TM7SF3: variants seen among roughly 807,000 people sequenced by gnomAD.
TM7SF3 encodes transmembrane 7 superfamily member 3.
In TM7SF3, 60 loss-of-function variants were observed where a neutral mutation model predicts 65.5. The observed-to-expected ratio is 0.92, with a 90% CI of 0.74 to 1.14. The LOEUF is 1.14. Among genes scored for constraint, TM7SF3 ranks in the 50% most tolerant of loss-of-function variants. TM7SF3 has a pLI of 0.00. For synonymous variants in TM7SF3, 264 were observed against 259.6 expected (o/e 1.02, Z -0.16); for missense variants, 623 against 684.8 (o/e 0.91, Z 1.01).
At chr12:26,976,747 A>C (rs1939584633) in intron 9 of TM7SF3, among the ~76,000 whole-genome samples, 1 of 152,218 alleles carries the variant, frequency 6.6e-6, no homozygotes, top group African/African-American at 2.4e-5. Context: ...TGACTTCATG[A>C]TTTCATACTG....
At chr12:26,996,602 T>G in intron 4 of TM7SF3, 140 bp downstream of exon 4, 96 of 782,962 alleles carry the variant, frequency 1.2e-4, no homozygotes, top group Non-Finnish European at 1.8e-4. Flanking sequence ...AATAGTGAAG[T>G]TTAAATTACA....
rs1015641339 is a variant in TM7SF3, at chr12:26,973,965, C to G, written c.1713G>C (p.Ter571TyrextTer55). 8.1e-6 allele frequency: 13 copies of G among 1,613,678 alleles called. No homozygotes were observed. Among genetic ancestry groups the G allele is most frequent in the Non-Finnish European group, 1.0e-5 (12 of 1,179,924 alleles). The change falls in exon 12 of 12, where the codon TAG becomes TAC. Residue 571 changes from the stop codon to tyrosine, a stop_lost. Transcript: ENST00000343028. Reference protein sequence around the residue: ...PAGERTPLLL* With the variant: ...PAGERTPLLLY ...GCACACTGACCAAGCCCCTGGGCAT[C>G]TACAGAAGCAAAGGCGTTCTCTCTC...
At chr12:26,996,482 C>T (rs1256348241) in intron 4 of TM7SF3, among the ~76,000 whole-genome samples, 4 of 152,144 alleles carry the variant, frequency 2.6e-5, no homozygotes, top group Non-Finnish European at 5.9e-5. Flanking sequence ...TTTATAAAAA[C>T]CAGGATGTAT....
chr12:26,986,032 G>C (rs1210211681), intron 6 of TM7SF3, among the ~76,000 whole-genome samples: 2 of 150,700 alleles, frequency 1.3e-5, no homozygotes, highest in Non-Finnish European at 3.0e-5. Context: ...GTTTCACTGT[G>C]TTAGCCAGGA....
chr12:26,998,883 G>T (rs1463504955), intron 3 of TM7SF3, among the ~76,000 whole-genome samples: 1 of 152,128 alleles, frequency 6.6e-6, no homozygotes, highest in Non-Finnish European at 1.5e-5. Flanking sequence ...CACTCCAGCT[G>T]CAGCCACACT....
At chr12:26,985,588 G>A (rs1940012902) in intron 6 of TM7SF3, among the ~76,000 whole-genome samples, 1 of 126,352 alleles carries the variant, frequency 7.9e-6, no homozygotes, top group South Asian at 2.5e-4. Flanking sequence ...TCATGCCACT[G>A]CACTCCAGCC....
chr12:26,982,845 T>C lies in TM7SF3; in HGVS notation c.883A>G (p.Lys295Glu). The C allele has an allele frequency of 6.2e-7, 1 of 1,602,814 alleles. No homozygotes were observed. Among genetic ancestry groups the C allele is most frequent in the Non-Finnish European group, 8.5e-7 (1 of 1,176,632 alleles). ...AGGGCAAAAAGAGTGAAGAACACTT[T>C]GGAAGACACTCTTCCTAAAAAATAA... is the stretch of plus-strand genomic sequence containing the variant. Reference protein sequence around the residue: ...SCASLGRVSSKVFFTLFALLG... With the variant: ...SCASLGRVSSEVFFTLFALLG... The change falls in exon 7 of 12, where the codon AAA becomes GAA. Residue 295 changes from lysine to glutamate, a missense_variant. Physicochemically the swap from Lys to Glu is moderately conservative, Grantham distance 56. Transcript: ENST00000343028.
chr12:26,987,257 T>C (rs1940138349), intron 6 of TM7SF3, among the ~76,000 whole-genome samples: 1 of 152,188 alleles, frequency 6.6e-6, no homozygotes, highest in South Asian at 2.1e-4. Flanking sequence ...CATCTGCACA[T>C]AAATGCTCAA....
intron 6 of TM7SF3, among the ~76,000 whole-genome samples, chr12:26,984,905 G>A (rs1173048280): frequency 1.3e-5 from 2 of 152,168 alleles, no homozygotes; most frequent in Non-Finnish European, 2.9e-5. Context: ...GTATTGCTAA[G>A]GGTTATGAAC....
intron 11 of TM7SF3, 39 bp downstream of exon 11, chr12:26,975,457 C>T: frequency 6.2e-7 from 1 of 1,611,290 alleles, no homozygotes. Flanking sequence ...AAGACTCCTA[C>T]TGTGCTGTCA....
intron 1 of TM7SF3, among the ~76,000 whole-genome samples, chr12:27,006,479 GA>G (rs978641211): frequency 1.3e-5 from 2 of 149,792 alleles, no homozygotes; most frequent in East Asian, 3.9e-4. Flanking sequence ...ACACACACTA[GA>G]AAAAAAAAGG....
intron 6 of TM7SF3, among the ~76,000 whole-genome samples, chr12:26,988,672 TTGTGTGTG>T (rs147021582): frequency 1.0e-4 from 15 of 146,324 alleles, no homozygotes; most frequent in Admixed American, 2.7e-4. Flanking sequence ...GAGAAGAAAA[TTGTGTGTG>T]TGTGTGTGTG....
chr12:27,001,164 C>T (rs2136437419), intron 2 of TM7SF3, among the ~76,000 whole-genome samples: 1 of 152,276 alleles, frequency 6.6e-6, no homozygotes, highest in East Asian at 1.9e-4. Context: ...AGAAGCACTT[C>T]TCTTTACACA....
chr12:26,996,034 C>T (rs1299646992), intron 4 of TM7SF3, among the ~76,000 whole-genome samples: 1 of 151,866 alleles, frequency 6.6e-6, no homozygotes. Flanking sequence ...TAAAAAAAAG[C>T]TGGGTGCAGT....
chr12:27,007,750 T>G (rs762946976), intron 1 of TM7SF3, among the ~76,000 whole-genome samples: 9 of 152,180 alleles, frequency 5.9e-5, no homozygotes, highest in Non-Finnish European at 1.0e-4. Flanking sequence ...TCACATCTTC[T>G]TTCCTCCCCA....
chr12:26,984,271 A>C (rs993736907), intron 6 of TM7SF3, among the ~76,000 whole-genome samples: 1 of 152,104 alleles, frequency 6.6e-6, no homozygotes, highest in African/African-American at 2.4e-5. Flanking sequence ...TCTACTAAAA[A>C]TACAAAAATT....
chr12:27,012,166 G>T (rs186604880), intron 1 of TM7SF3, among the ~76,000 whole-genome samples: 2 of 152,284 alleles, frequency 1.3e-5, no homozygotes, highest in African/African-American at 4.8e-5. Flanking sequence ...GGAAGTGGAA[G>T]GACTATGAAA....
At position 26,972,650 on chromosome 12, in the gene TM7SF3, A is replaced by G. The variant is rs752660775; in HGVS notation, c.*1315T>C. 2 of 151,972 alleles carry G rather than the reference A, an allele frequency of 1.3e-5. No individual in the cohort carries two copies. The highest frequency in any genetic ancestry group is 2.4e-5 in the African/African-American group (1 of 41,350). The allele number at this position is 151,972 out of a possible 1,614,324, so 9.4% of individuals were successfully genotyped here. On this transcript the variant is annotated 3_prime_UTR_variant, in exon 12 of 12. Coordinates refer to ENST00000343028, the MANE Select transcript of TM7SF3 (RefSeq NM_016551.3). ...CTACTATACTATAGTAGAGACCACT[A>G]TGTTGGCCAGGCTGGTCTCGAACTC...
chr12:27,010,999 C>A (rs1186016595), intron 1 of TM7SF3, among the ~76,000 whole-genome samples: 1 of 152,184 alleles, frequency 6.6e-6, no homozygotes, highest in African/African-American at 2.4e-5. Context: ...CAACCAAATT[C>A]TAAGAGAAAT....
Sources: allele counts gnomAD v4.1 joint callset (sites outside exome capture counted in the v4.1 genomes callset), GRCh38; gene constraint gnomAD v4.1.1; transcripts MANE v1.5; gene names NCBI Gene and HGNC (gene_info 2026-07-23, HGNC 2026-07-21).